Variants in TEX2 observed in about 807,000 individuals in gnomAD.
TEX2 encodes testis-expressed protein 2.
Under a neutral mutation model 106.9 loss-of-function variants are expected in TEX2, and 53 were observed. That is an observed-to-expected ratio of 0.50 (90% CI 0.40 to 0.62). TEX2 has a LOEUF of 0.62. Ranked by LOEUF, TEX2 falls within the 20% of genes least tolerant of loss-of-function variation. TEX2 has a pLI of 0.00. For missense variants in TEX2, 1,207 were observed against 1,379.0 expected, an observed-to-expected ratio of 0.88 and a Z score of 1.98; for synonymous variants, 523 against 534.8, an observed-to-expected ratio of 0.98 and a Z score of 0.30.
At chr17:64,199,060 G>A (rs952942945) in intron 2 of TEX2, among the ~76,000 whole-genome samples, 7 of 152,182 alleles carry the variant, frequency 4.6e-5, no homozygotes. Flanking sequence ...GATTGTACAG[G>A]TTAATTATCT....
At chr17:64,160,037 G>C (rs1009570144) in intron 8 of TEX2, among the ~76,000 whole-genome samples, 3 of 152,146 alleles carry the variant, frequency 2.0e-5, no homozygotes, top group African/African-American at 7.2e-5. Context: ...TCATCATACT[G>C]TTGATTCCAT....
rs544395620 is a variant in TEX2 at position 64,227,637 on chromosome 17, T to A, written c.-25-13395A>T. On this transcript the variant is annotated intron_variant, in intron 1 of 11. Coordinates refer to ENST00000584379, the MANE Select transcript of TEX2 (RefSeq NM_001288732.2). The stretch of plus-strand genomic sequence containing the variant: ...ATTTTTATTAAATGAGGACACACTG[T>A]ATGTATGTATGTAATCTGCTTTTAT... 4.6e-5 allele frequency among the ~76,000 whole-genome samples: 7 copies of A among 152,342 alleles called. No individual in the cohort carries two copies. In the East Asian group the frequency reaches 1.3e-3, roughly 29 times the overall value.
intron 1 of TEX2, among the ~76,000 whole-genome samples, chr17:64,224,705 T>C (rs1176645645): frequency 6.6e-6 from 1 of 151,892 alleles, no homozygotes; most frequent in Non-Finnish European, 1.5e-5. Context: ...CCCACTCCCT[T>C]CCACCACCGC....
At position 64,212,591 on chromosome 17, in the gene TEX2, C is replaced by A; in HGVS notation, c.1627G>T (p.Glu543Ter). 2 of 1,613,618 alleles carry A rather than the reference C, an allele frequency of 1.2e-6. No homozygotes were observed. Among genetic ancestry groups the A allele is most frequent in the Non-Finnish European group, 1.7e-6 (2 of 1,179,710 alleles). Residue 543 changes from glutamate (E) to a stop codon, truncating the protein, a stop_gained, in exon 2 of 12, where the codon GAA (glutamate) becomes TAA (stop). Coordinates refer to ENST00000584379, the MANE Select transcript of TEX2 (RefSeq NM_001288732.2). LOFTEE classifies it high-confidence loss of function. ...AGGCTTACCTTCAGTATTTCAGGTT[C>A]TTTGATATCCAGAGATCTTGTGTTC... Reference protein sequence around the residue: ...HWNTRSLDIKEPEILKGWMNE... With the variant: ...HWNTRSLDIK
chr17:64,232,979 G>A (rs2033689821), intron 1 of TEX2, among the ~76,000 whole-genome samples: 1 of 152,138 alleles, frequency 6.6e-6, no homozygotes, highest in Non-Finnish European at 1.5e-5. Context: ...AAAGGCAGAG[G>A]CATTTGGGAT....
Position 64,217,658 on chromosome 17 carries a change from C to T in TEX2, c.-25-3416G>A, listed in dbSNP as rs1216151241. Among the ~76,000 whole-genome samples the T allele has an allele frequency of 1.3e-5, 2 of 152,174 alleles. No individual in the cohort carries two copies. The highest frequency in any genetic ancestry group is 2.9e-5 in the Non-Finnish European group (2 of 68,018). On this transcript the variant is annotated intron_variant, in intron 1 of 11. Coordinates refer to ENST00000584379, the MANE Select transcript of TEX2 (RefSeq NM_001288732.2). The surrounding 1 kb of genome is among the most constrained non-coding windows in gnomAD (Gnocchi z 4.3). Reference sequence around the variant, plus strand: ...CATATAAAATGGCTAGCCTCCTGCCCTCTACTCCTGAAACTCAATTATACC... The same window carrying T: ...CATATAAAATGGCTAGCCTCCTGCCTTCTACTCCTGAAACTCAATTATACC...
At position 64,148,943 on chromosome 17, in the gene TEX2, A is replaced by G. The variant is rs776654931; in HGVS notation, c.*26T>C. 6.2e-7 allele frequency: 1 copy of G among 1,613,702 alleles called. No individual in the cohort carries two copies. Among genetic ancestry groups the G allele is most frequent in the South Asian group, 1.1e-5 (1 of 91,032 alleles). On this transcript the variant is annotated 3_prime_UTR_variant, in exon 12 of 12. Coordinates refer to ENST00000584379, the MANE Select transcript of TEX2 (RefSeq NM_001288732.2). ...CCCACACATCCAGCTCGATGTCACAATATGGGGAACATCTGACATCACCCA... is the reference window on the plus strand; with the variant it reads ...CCCACACATCCAGCTCGATGTCACAGTATGGGGAACATCTGACATCACCCA...
chr17:64,174,082 A>G (rs2031525032), intron 6 of TEX2, among the ~76,000 whole-genome samples: 1 of 152,138 alleles, frequency 6.6e-6, no homozygotes, highest in African/African-American at 2.4e-5. Flanking sequence ...ACTGGGCTCA[A>G]GATTTCCTCC....
Position 64,195,536 on chromosome 17 carries a change from G to A in TEX2, c.1645-441C>T, listed in dbSNP as rs2032440762. On this transcript the variant is annotated intron_variant, in intron 2 of 11. Transcript: ENST00000584379. The surrounding 1 kb of genome is among the most constrained non-coding windows in gnomAD (Gnocchi z 4.1). ...TTTGAAATTTCAGGTATTAATTCAT[G>A]TTATCACAGGACTCAGAGAACTACC... is the stretch of plus-strand genomic sequence containing the variant. Among the ~76,000 whole-genome samples, 1 of 152,138 alleles carries A rather than the reference G, an allele frequency of 6.6e-6. No homozygotes were observed. Among genetic ancestry groups the A allele is most frequent in the Non-Finnish European group, 1.5e-5 (1 of 68,028 alleles).
chr17:64,155,176 C>T (rs1462063555), intron 8 of TEX2: 2 of 489,122 alleles, frequency 4.1e-6, no homozygotes, highest in Non-Finnish European at 6.6e-6. Flanking sequence ...GGACACTCTT[C>T]AGCACCAAGG....
At chr17:64,188,137 GA>G in intron 5 of TEX2, 30 bp downstream of exon 5, 2 of 1,594,018 alleles carry the variant, frequency 1.3e-6, no homozygotes, top group Non-Finnish European at 8.5e-7. Context: ...GTCGAAAAGT[GA>G]AAAAGGTCCG....
rs75946905 is a variant in TEX2 at position 64,257,609 on chromosome 17, G to C, written c.-26+5559C>G. Among the ~76,000 whole-genome samples, 104 of 152,294 alleles carry C rather than the reference G, an allele frequency of 6.8e-4. 2 individuals carry two copies. The highest frequency in any genetic ancestry group is 5.9e-4 in the Non-Finnish European group (40 of 68,026). The stretch of plus-strand genomic sequence containing the variant: ...TCCCTTTGTCCAGCAGATCCACGCC[G>C]TAGGCGCTACCTACTCATTAGTCAC... On this transcript the variant is annotated intron_variant, in intron 1 of 11. Coordinates refer to ENST00000584379, the MANE Select transcript of TEX2 (RefSeq NM_001288732.2).
At chr17:64,221,104 GA>G in intron 1 of TEX2, among the ~76,000 whole-genome samples, 1 of 152,274 alleles carries the variant, frequency 6.6e-6, no homozygotes, top group Middle Eastern at 3.4e-3. Flanking sequence ...CACAGTAACA[GA>G]AAACCAAACA....
At chr17:64,216,373 G>A (rs1240558867) in intron 1 of TEX2, among the ~76,000 whole-genome samples, 3 of 152,228 alleles carry the variant, frequency 2.0e-5, no homozygotes, top group Non-Finnish European at 4.4e-5. Flanking sequence ...ATAATTCTCA[G>A]TGGGCTGAAA....
Position 64,186,813 on chromosome 17 carries a change from G to A in TEX2, c.2424+1355C>T, listed in dbSNP as rs1025186357. On this transcript the variant is annotated intron_variant, in intron 5 of 11. Coordinates refer to ENST00000584379, the MANE Select transcript of TEX2 (RefSeq NM_001288732.2). ...TGCACTCCAGCCTGGGTGACACTGC[G>A]AGACCTTGTCTCAAAAAAAAAGAGG... Among the ~76,000 whole-genome samples, 6 of 150,594 alleles carry A rather than the reference G, an allele frequency of 4.0e-5. No homozygotes were observed. In the East Asian group the frequency reaches 7.7e-4, roughly 19 times the overall value.
intron 1 of TEX2, among the ~76,000 whole-genome samples, chr17:64,257,139 G>A (rs975130125): frequency 6.6e-6 from 1 of 152,160 alleles, no homozygotes; most frequent in Non-Finnish European, 1.5e-5. Flanking sequence ...TGTGTTTGTT[G>A]CAATAATCTT....
rs367693274 is a variant in TEX2 at position 64,258,232 on chromosome 17, G to T, written c.-26+4936C>A. Among the ~76,000 whole-genome samples the T allele has an allele frequency of 7.9e-5, 12 of 152,066 alleles. No homozygotes were observed. The South Asian group carries it at 2.3e-3, about 29-fold the overall frequency. On this transcript the variant is annotated intron_variant, in intron 1 of 11. Coordinates refer to ENST00000584379, the MANE Select transcript of TEX2 (RefSeq NM_001288732.2). ...TGGCCCAACTGTTCTATTTTTATTA[G>T]TTATATTGTTAATCTCTTACCGTGT...
chr17:64,149,358 T>C (rs564336674), intron 11 of TEX2: 2 of 379,864 alleles, frequency 5.3e-6, no homozygotes, highest in East Asian at 5.7e-5. Context: ...AGGTTGCCCA[T>C]ATGCACTGAT....
At chr17:64,166,642 T>C (rs1421791069) in intron 7 of TEX2, among the ~76,000 whole-genome samples, 1 of 152,238 alleles carries the variant, frequency 6.6e-6, no homozygotes, top group African/African-American at 2.4e-5. Context: ...AAAAAAGATT[T>C]GGAGAGCATA....
Sources: gnomAD v4.1 joint callset for allele counts (sites outside exome capture counted in the v4.1 genomes callset) on GRCh38, gnomAD v4.1.1 for gene constraint, Gnocchi (gnomAD v3.1) non-coding constraint, MANE v1.5 for transcripts, NCBI Gene and HGNC (gene_info 2026-07-23, HGNC 2026-07-21) for gene names.